The following CCDC83 variants were observed in gnomAD, a reference collection of about 807,000 sequenced individuals.
CCDC83 encodes the protein coiled-coil domain-containing protein 83.
Under a neutral mutation model 50.1 loss-of-function variants are expected in CCDC83, and 54 were observed. The ratio of observed to expected loss-of-function variants is 1.08; its 90% CI spans 0.87 to 1.35. The LOEUF (loss-of-function observed/expected upper bound fraction) is 1.35. CCDC83 is among the 40% of genes most tolerant of loss of function. The pLI is 0.00. For missense variants in CCDC83, 518 were observed against 473.9 expected, an observed-to-expected ratio of 1.09 and a Z score of -0.86; for synonymous variants, 161 against 153.3, an observed-to-expected ratio of 1.05 and a Z score of -0.37.
At chr11:85,898,156 C>CAA (rs776679919) in intron 6 of CCDC83, among the ~76,000 whole-genome samples, 17 of 125,368 alleles carry the variant, frequency 1.4e-4, no homozygotes, top group African/African-American at 3.7e-4. Flanking sequence ...GACTCCATCT[C>CAA]AAAAAAAAAA....
At chr11:85,874,759 G>A (rs1428851962) in intron 3 of CCDC83, among the ~76,000 whole-genome samples, 1 of 152,138 alleles carries the variant, frequency 6.6e-6, no homozygotes, top group Non-Finnish European at 1.5e-5. Flanking sequence ...TAATTTGCCA[G>A]GTCTAATAGA....
chr11:85,873,286 T>C lies in CCDC83; in HGVS notation c.171T>C (p.Tyr57=). The change falls in exon 3 of 11, where the codon TAT becomes TAC. Residue 57 remains tyrosine, a synonymous_variant. Coordinates refer to ENST00000342404, the MANE Select transcript of CCDC83 (RefSeq NM_001286159.2). ...IKTLRKKNQK[Y]HERNSRLKEE... is the part of the protein sequence containing the mutation. ...CACTTAGGAAAAAGAACCAAAAATA[T>C]CATGAAAGAGTGAGTATAAAATTTA... is the stretch of plus-strand genomic sequence containing the variant. 6.9e-7 allele frequency: 1 copy of C among 1,444,514 alleles called. No homozygotes were observed. The highest frequency in any genetic ancestry group is 1.3e-5 in the South Asian group (1 of 78,350). The allele number at this position is 1,444,514 out of a possible 1,614,324, so 89.5% of individuals were successfully genotyped here.
chr11:85,873,754 T>G (rs968380798), intron 3 of CCDC83, among the ~76,000 whole-genome samples: 1 of 152,200 alleles, frequency 6.6e-6, no homozygotes, highest in Admixed American at 6.5e-5. Flanking sequence ...TATACTGTTT[T>G]TATAAAATCA....
In CCDC83 at chr11:85,895,375, G is replaced by A. The variant is rs2093369367; in HGVS notation, c.594G>A (p.Trp198Ter). ...TLLQLDQKKE[W>*]ATQNAVKLID... Reference sequence around the variant, plus strand: ...TGCAACTGGACCAAAAGAAGGAATGGGCCACACAGGTATAATTCAATTTTC... The same window carrying A: ...TGCAACTGGACCAAAAGAAGGAATGAGCCACACAGGTATAATTCAATTTTC... The change falls in exon 6 of 11, where the codon TGG becomes TGA. Residue 198 changes from tryptophan to a stop codon, truncating the protein, a stop_gained. Coordinates refer to ENST00000342404, the MANE Select transcript of CCDC83 (RefSeq NM_001286159.2). LOFTEE classifies it high-confidence loss of function. 1.3e-6 allele frequency: 2 copies of A among 1,543,468 alleles called. No individual in the cohort carries two copies. The highest frequency in any genetic ancestry group is 1.8e-6 in the Non-Finnish European group (2 of 1,135,096).
chr11:85,859,176 A>AC (rs1555268271), intron 1 of CCDC83, among the ~76,000 whole-genome samples: 12 of 148,970 alleles, frequency 8.1e-5, no homozygotes, highest in African/African-American at 2.5e-4. Context: ...AAAAAAAAAA[A>AC]AAAACCCCTA....
intron 8 of CCDC83, chr11:85,912,632 C>T: frequency 6.6e-7 from 1 of 1,516,902 alleles, no homozygotes; most frequent in South Asian, 1.1e-5. Flanking sequence ...TTTGCCAGCC[C>T]TCCTCTCTGT....
chr11:85,882,645 T>C lies in CCDC83; in HGVS notation c.313T>C (p.Phe105Leu), dbSNP rs1249534573. 6.2e-7 allele frequency: 1 copy of C among 1,613,824 alleles called. No homozygotes were observed. Residue 105 changes from phenylalanine to leucine, a missense_variant, in exon 4 of 11, where the codon TTT becomes CTT. Coordinates refer to ENST00000342404, the MANE Select transcript of CCDC83 (RefSeq NM_001286159.2). ...VEEAMKEKWK[F>L]ERDQEKNLRD... The stretch of plus-strand genomic sequence containing the variant: ...AGAAGCGATGAAGGAAAAATGGAAG[T>C]TTGAAAGAGACCAGGAAAAAAACTT...
At chr11:85,876,067 A>G (rs900509804) in intron 3 of CCDC83, among the ~76,000 whole-genome samples, 1 of 152,106 alleles carries the variant, frequency 6.6e-6, no homozygotes, top group South Asian at 2.1e-4. Context: ...TTTATCTTAA[A>G]ACCCTTTTCT....
intron 3 of CCDC83, among the ~76,000 whole-genome samples, chr11:85,879,558 C>G (rs1369442486): frequency 1.3e-5 from 2 of 152,078 alleles, no homozygotes; most frequent in African/African-American, 4.8e-5. Flanking sequence ...GTACCACTTT[C>G]TCCTAATAAC....
intron 7 of CCDC83, among the ~76,000 whole-genome samples, chr11:85,906,350 A>G (rs76013182): frequency 0.015 from 2,248 of 152,222 alleles, 52 homozygotes; most frequent in African/African-American, 0.052. Context: ...TACAGAAGTG[A>G]GCCACCTTGC....
rs1225447354 is a variant in CCDC83, at chr11:85,863,534, ATTAG to A, written c.-28-1557_-28-1554del. ...TATTTGCATTCATGTATATGCTCAA[ATTAG>A]TTAGCATACAGAGTAGTGCAAACTT... On this transcript the variant is annotated intron_variant, in intron 1 of 10. Transcript: ENST00000342404. Among the ~76,000 whole-genome samples, 12 of 152,368 alleles carry A rather than the reference ATTAG, an allele frequency of 7.9e-5. No individual in the cohort carries two copies. The Middle Eastern group carries it at 0.01, about 130-fold the overall frequency.
intron 8 of CCDC83, chr11:85,912,718 T>A: frequency 6.2e-7 from 1 of 1,610,490 alleles, no homozygotes; most frequent in Non-Finnish European, 8.5e-7. Flanking sequence ...TGGAATCATG[T>A]CTAATCTCTG....
intron 5 of CCDC83, among the ~76,000 whole-genome samples, chr11:85,892,148 A>T (rs1248245950): frequency 6.6e-6 from 1 of 152,218 alleles, no homozygotes; most frequent in Admixed American, 6.6e-5. Context: ...GCAGAGCCAG[A>T]CACAGCAGGG....
chr11:85,886,818 T>A (rs774688028), intron 5 of CCDC83, among the ~76,000 whole-genome samples: 1 of 152,012 alleles, frequency 6.6e-6, no homozygotes, highest in Non-Finnish European at 1.5e-5. Context: ...GAGGCTGAGG[T>A]GGGAGGATCA....
chr11:85,903,918 G>A (rs1174907949), intron 7 of CCDC83, among the ~76,000 whole-genome samples: 4 of 151,904 alleles, frequency 2.6e-5, no homozygotes, highest in African/African-American at 9.7e-5. Context: ...AGTGAGCCAA[G>A]ATTGTTCCAT....
chr11:85,893,499 T>C (rs886316416), intron 5 of CCDC83, among the ~76,000 whole-genome samples: 29 of 152,266 alleles, frequency 1.9e-4, no homozygotes, highest in African/African-American at 7.0e-4. Flanking sequence ...ATTTTCCCTT[T>C]GAAACAACGC....
At chr11:85,888,732 TGAGA>T (rs892229886) in intron 5 of CCDC83, among the ~76,000 whole-genome samples, 1 of 152,206 alleles carries the variant, frequency 6.6e-6, no homozygotes, top group African/African-American at 2.4e-5. Flanking sequence ...TGTTTTTGTG[TGAGA>T]GAGTGATCCA....
chr11:85,913,583 A>T (rs563068299), intron 8 of CCDC83, among the ~76,000 whole-genome samples: 7 of 152,362 alleles, frequency 4.6e-5, no homozygotes, highest in African/African-American at 1.4e-4. Context: ...AATAGACATG[A>T]ACTGTCTCCA....
In CCDC83 at chr11:85,919,527, G is replaced by A. The variant is rs1446048984; in HGVS notation, c.*17G>A. The A allele has an allele frequency of 3.2e-6, 5 of 1,586,718 alleles. No homozygotes were observed. Among genetic ancestry groups the A allele is most frequent in the Non-Finnish European group, 4.3e-6 (5 of 1,164,434 alleles). ...TTTCTCTAAGACGGAAAGCTGCAAA[G>A]GAAACACAACTTTTCCTTATAAATG... On this transcript the variant is annotated 3_prime_UTR_variant, in exon 11 of 11. Transcript: ENST00000342404.
Sources: allele counts gnomAD v4.1 joint callset (sites outside exome capture counted in the v4.1 genomes callset), GRCh38; gene constraint gnomAD v4.1.1; transcripts MANE v1.5; gene names NCBI Gene and HGNC (gene_info 2026-07-23, HGNC 2026-07-21).